The following LHX8 variants were observed in gnomAD, a reference collection of about 807,000 sequenced individuals.
LHX8 encodes the protein LIM homeobox 8, also known as LIM/homeobox protein Lhx8.
LHX8 carries 12 observed loss-of-function variants against 40.3 expected under a neutral mutation model. The observed-to-expected ratio is 0.30, with a 90% confidence interval of 0.19 to 0.48. The LOEUF is 0.48. Ranked by LOEUF, LHX8 falls within the 20% of genes least tolerant of loss-of-function variation. The probability of loss-of-function intolerance (pLI) is 0.99; values close to 1 mark genes in which losing one functional copy is unlikely to be tolerated. For synonymous variants in LHX8, 179 were observed against 162.0 expected, an observed-to-expected ratio of 1.10 and a Z score of -0.80; for missense variants, 344 against 433.7, an observed-to-expected ratio of 0.79 and a Z score of 1.84.
chr1:75,162,165 C>G (rs1648934683), downstream of LHX8, among the ~76,000 whole-genome samples: 1 of 151,732 alleles, frequency 6.6e-6, no homozygotes, highest in Non-Finnish European at 1.5e-5. Context: ...ATAAATACAA[C>G]CAGAAAGTAA....
chr1:75,197,828 C>T, the LHX8 span, among the ~76,000 whole-genome samples: 77 of 152,172 alleles, frequency 5.1e-4, no homozygotes, highest in Non-Finnish European at 8.8e-4. Context: ...CACTGACCTA[C>T]ACAAACTCAT....
chr1:75,179,407 A>G, the LHX8 span, among the ~76,000 whole-genome samples: 10 of 150,954 alleles, frequency 6.6e-5, no homozygotes, highest in African/African-American at 2.4e-4. Flanking sequence ...TGTTGAATTG[A>G]TCCCTTTACC....
At chr1:75,181,823 C>G in the LHX8 span, among the ~76,000 whole-genome samples, 1 of 152,144 alleles carries the variant, frequency 6.6e-6, no homozygotes, top group African/African-American at 2.4e-5. Flanking sequence ...CCTGTTCGGC[C>G]ATCTTGGAAG....
the LHX8 span, among the ~76,000 whole-genome samples, chr1:75,181,967 T>A: frequency 6.6e-6 from 1 of 152,256 alleles, no homozygotes; most frequent in Admixed American, 6.5e-5. Flanking sequence ...ACTTTGCTGA[T>A]TATTTCTTTT....
At chr1:75,161,961 G>C (rs1648930786), downstream of LHX8, among the ~76,000 whole-genome samples, 2 of 151,928 alleles carry the variant, frequency 1.3e-5, no homozygotes, top group South Asian at 4.2e-4. Context: ...ATGTGGCAGT[G>C]GACTTACAAA....
At chr1:75,157,912 A>G (rs1648813670) in intron 8 of LHX8, among the ~76,000 whole-genome samples, 1 of 152,148 alleles carries the variant, frequency 6.6e-6, no homozygotes. Flanking sequence ...TCACATTTCT[A>G]CTAGATATGT....
chr1:75,134,531 G>T lies in LHX8; in HGVS notation c.-436G>T, dbSNP rs925382712. Among the ~76,000 whole-genome samples the T allele has an allele frequency of 6.6e-6, 1 of 151,426 alleles. No individual in the cohort carries two copies. Among genetic ancestry groups the T allele is most frequent in the East Asian group, 2.0e-4 (1 of 5,104 alleles). On this transcript the variant is annotated 5_prime_UTR_variant, in exon 1 of 9. Coordinates refer to ENST00000356261, the MANE Select transcript of LHX8 (RefSeq NM_001256114.2). ...TTCTCGGCATCAGCTTTTATTAGTG[G>T]ATCGGGGCGGGGGAGGGGGGAGATC... is the stretch of plus-strand genomic sequence containing the variant.
At chr1:75,133,747 A>AAGCAACT (rs1648035270), upstream of LHX8, among the ~76,000 whole-genome samples, 3 of 152,320 alleles carry the variant, frequency 2.0e-5, no homozygotes, top group South Asian at 6.2e-4. Context: ...GAGGCAGAAG[A>AAGCAACT]CAAGGCTGCT....
At chr1:75,130,740 T>C (rs1175013095), upstream of LHX8, 3 of 1,613,968 alleles carry the variant, frequency 1.9e-6, no homozygotes, top group Admixed American at 1.7e-5. Context: ...AGGGTAAGTT[T>C]GTGGAAAGAA....
At chr1:75,186,770 A>G in the LHX8 span, among the ~76,000 whole-genome samples, 1 of 152,156 alleles carries the variant, frequency 6.6e-6, no homozygotes, top group African/African-American at 2.4e-5. Flanking sequence ...CTCAGGAAAT[A>G]CCATGCAGGG....
Position 75,134,843 on chromosome 1 carries a change from T to A in LHX8, c.-124T>A, listed in dbSNP as rs1363043014. 4.6e-6 allele frequency: 4 copies of A among 873,132 alleles called. No individual in the cohort carries two copies. The highest frequency in any genetic ancestry group is 4.1e-6 in the Non-Finnish European group (3 of 727,646). 54.1% of individuals were successfully genotyped at this position (873,132 alleles called of 1,614,324 possible). On this transcript the variant is annotated 5_prime_UTR_variant, in exon 1 of 9. Transcript: ENST00000356261. The stretch of plus-strand genomic sequence containing the variant: ...GCAATTTTTTTTTTTTATTACGTAG[T>A]AGCGTTAGTCAGTAATCATTGCACT...
chr1:75,186,238 A>G, the LHX8 span, among the ~76,000 whole-genome samples: 1 of 152,222 alleles, frequency 6.6e-6, no homozygotes, highest in Non-Finnish European at 1.5e-5. Flanking sequence ...CAACCAAAGC[A>G]ATCCTAAGTA....
intron 1 of LHX8, 27 bp from the exon 2 acceptor site, chr1:75,136,576 A>G (rs956926542): frequency 3.3e-6 from 5 of 1,502,924 alleles, no homozygotes; most frequent in African/African-American, 1.4e-5. Context: ...CTGTTTCTCC[A>G]TACTTTCTCC....
intron 3 of LHX8, among the ~76,000 whole-genome samples, chr1:75,139,627 TTCAGATTTCC>T (rs1464860019): frequency 6.6e-6 from 1 of 152,208 alleles, no homozygotes; most frequent in African/African-American, 2.4e-5. Flanking sequence ...ATATTATTTA[TTCAGATTTCC>T]TCAGATTTCT....
At chr1:75,168,315 T>C in the LHX8 span, among the ~76,000 whole-genome samples, 1 of 151,942 alleles carries the variant, frequency 6.6e-6, no homozygotes, top group African/African-American at 2.4e-5. Context: ...CTCTGCCTCC[T>C]GGGTTCAAAC....
the LHX8 span, among the ~76,000 whole-genome samples, chr1:75,198,216 C>T: frequency 6.0e-4 from 91 of 152,156 alleles, no homozygotes; most frequent in Admixed American, 9.2e-4. Context: ...GGGAAAGTCA[C>T]CTATATCTTC....
intron 1 of LHX8, 86 bp from the exon 2 acceptor site, chr1:75,136,517 C>T: frequency 1.9e-6 from 2 of 1,028,410 alleles, no homozygotes; most frequent in South Asian, 2.7e-5. Flanking sequence ...TTCATTAGCT[C>T]GCTCCCCGCG....
At chr1:75,133,920 C>G (rs920195062), upstream of LHX8, among the ~76,000 whole-genome samples, 1 of 152,146 alleles carries the variant, frequency 6.6e-6, no homozygotes, top group Non-Finnish European at 1.5e-5. Context: ...GGAAAGGGAG[C>G]GCGAACTGCT....
chr1:75,140,945 C>A (rs1648294421), intron 3 of LHX8, 40 bp from the exon 4 acceptor site: 1 of 1,610,398 alleles, frequency 6.2e-7, no homozygotes. Context: ...GAATACTTTT[C>A]TTAAATATGA....
Sources: allele counts gnomAD v4.1 joint callset (sites outside exome capture counted in the v4.1 genomes callset), GRCh38; gene constraint gnomAD v4.1.1; transcripts MANE v1.5; gene names NCBI Gene and HGNC (gene_info 2026-07-23, HGNC 2026-07-21).